TSPAN9: variants seen among roughly 807,000 people sequenced by gnomAD.
TSPAN9 encodes tetraspanin 9.
Under a neutral mutation model 31.0 loss-of-function variants are expected in TSPAN9, and 16 were observed. The observed-to-expected ratio is 0.52, with a 90% CI of 0.35 to 0.78. TSPAN9 has a LOEUF of 0.78. TSPAN9 is among the 30% of genes least tolerant of loss of function. The pLI, the probability that TSPAN9 is intolerant of heterozygous loss-of-function variation, is 0.01. For missense variants in TSPAN9, 272 were observed against 312.5 expected, an observed-to-expected ratio of 0.87 and a Z score of 0.98; for synonymous variants, 145 against 121.6, an observed-to-expected ratio of 1.19 and a Z score of -1.27.
chr12:3,219,887 G>A (rs2098383431), intron 3 of TSPAN9, among the ~76,000 whole-genome samples: 1 of 150,478 alleles, frequency 6.6e-6, no homozygotes, highest in Non-Finnish European at 1.5e-5. Flanking sequence ...GGGTGCTGTG[G>A]CCCACGCCGG....
At chr12:3,135,672 TC>T (rs1173135658) in intron 2 of TSPAN9, among the ~76,000 whole-genome samples, 1 of 151,976 alleles carries the variant, frequency 6.6e-6, no homozygotes, top group African/African-American at 2.4e-5. Flanking sequence ...TATCAATTTC[TC>T]CCCCAGGTCC....
chr12:3,275,433 C>T (rs1043790681), intron 3 of TSPAN9, among the ~76,000 whole-genome samples: 9 of 152,156 alleles, frequency 5.9e-5, no homozygotes, highest in African/African-American at 1.9e-4. Flanking sequence ...TTACTCATTC[C>T]AGGGTCTGGC....
chr12:3,179,954 C>G (rs557166303), intron 2 of TSPAN9, among the ~76,000 whole-genome samples: 1 of 152,310 alleles, frequency 6.6e-6, no homozygotes, highest in African/African-American at 2.4e-5. Context: ...TTTCCTGCAG[C>G]TGGTAAAGCT....
intron 2 of TSPAN9, among the ~76,000 whole-genome samples, chr12:3,194,996 T>C (rs1023454950): frequency 6.6e-6 from 1 of 152,154 alleles, no homozygotes; most frequent in South Asian, 2.1e-4. Context: ...GTTTAAAAAT[T>C]GGGGGGAGGT....
chr12:3,161,213 C>A (rs945221783), intron 2 of TSPAN9, among the ~76,000 whole-genome samples: 4 of 144,306 alleles, frequency 2.8e-5, no homozygotes, highest in Non-Finnish European at 6.2e-5. Flanking sequence ...AAGAGTGAAA[C>A]TCGGTCTCAA....
intron 2 of TSPAN9, among the ~76,000 whole-genome samples, chr12:3,109,307 A>AGTGTGTGT (rs1555141854): frequency 7.0e-6 from 1 of 143,208 alleles, no homozygotes; most frequent in African/African-American, 2.8e-5. Context: ...TGTGAGAGAG[A>AGTGTGTGT]GTGTGTGTGT....
At chr12:3,144,350 C>T (rs1394855717) in intron 2 of TSPAN9, among the ~76,000 whole-genome samples, 1 of 152,188 alleles carries the variant, frequency 6.6e-6, no homozygotes, top group Non-Finnish European at 1.5e-5. Flanking sequence ...ATCTGTCTAC[C>T]TTGGCCTCCC....
chr12:3,149,179 T>C (rs1026887474), intron 2 of TSPAN9, among the ~76,000 whole-genome samples: 1 of 152,232 alleles, frequency 6.6e-6, no homozygotes, highest in Non-Finnish European at 1.5e-5. Context: ...AATGAATAAA[T>C]GAAGGGCTCC....
intron 3 of TSPAN9, among the ~76,000 whole-genome samples, chr12:3,244,067 G>C (rs601603): frequency 0.82 from 125,028 of 152,232 alleles, 52,492 homozygotes; most frequent in Non-Finnish European, 0.92. Context: ...TAAGCTTTAG[G>C]AGCAGGGCCT....
rs1350079427 is a variant in TSPAN9 at position 3,143,017 on chromosome 12, G to A, written c.-17-58160G>A. Reference sequence around the variant, plus strand: ...GTGCTGCTCGGTCACTCTGCAGGACGGTTTTTCACTCTGGCTCTGTCTGGC... The same window carrying A: ...GTGCTGCTCGGTCACTCTGCAGGACAGTTTTTCACTCTGGCTCTGTCTGGC... On this transcript the variant is annotated intron_variant, in intron 2 of 8. Transcript: ENST00000011898. This position sits in a 1 kb window ranked among gnomAD's most constrained non-coding sequence, Gnocchi z 4.2. 2.0e-5 allele frequency among the ~76,000 whole-genome samples: 3 copies of A among 151,974 alleles called. No homozygotes were observed. The highest frequency in any genetic ancestry group is 1.5e-5 in the Non-Finnish European group (1 of 68,000).
intron 3 of TSPAN9, among the ~76,000 whole-genome samples, chr12:3,212,729 A>G (rs1318517588): frequency 1.3e-5 from 2 of 150,536 alleles, no homozygotes; most frequent in African/African-American, 4.8e-5. Context: ...GGTGCAGGTC[A>G]GGGGTGAGCA....
In TSPAN9 at chr12:3,221,645, C is replaced by A. The variant is rs955438426; in HGVS notation, c.63+20389C>A. On this transcript the variant is annotated intron_variant, in intron 3 of 8. Coordinates refer to ENST00000011898, the MANE Select transcript of TSPAN9 (RefSeq NM_006675.5). ...AAGTGCTGGGATTATAGGCGTGAGCCACCGTGCTCAGCCTAACAAATTTTT... is the reference window on the plus strand; with the variant it reads ...AAGTGCTGGGATTATAGGCGTGAGCAACCGTGCTCAGCCTAACAAATTTTT... Among the ~76,000 whole-genome samples, 3 of 152,142 alleles carry A rather than the reference C, an allele frequency of 2.0e-5. No individual in the cohort carries two copies. In the South Asian group the frequency reaches 6.2e-4, roughly 32 times the overall value.
Position 3,273,512 on chromosome 12 carries a change from C to T in TSPAN9, c.64-4909C>T, listed in dbSNP as rs576372082. ...CCTGCCTCACCCCAGATTGTCCCAT[C>T]GTGGGCTAGATTATAGCTCAGTCAT... On this transcript the variant is annotated intron_variant, in intron 3 of 8. Coordinates refer to ENST00000011898, the MANE Select transcript of TSPAN9 (RefSeq NM_006675.5). Among the ~76,000 whole-genome samples the T allele has an allele frequency of 9.8e-5, 15 of 152,296 alleles. No homozygotes were observed. The East Asian group carries it at 1.5e-3, about 16-fold the overall frequency.
chr12:3,079,124 C>T lies in TSPAN9; in HGVS notation c.-85+1671C>T, dbSNP rs758868058. On this transcript the variant is annotated intron_variant, in intron 1 of 8. Coordinates refer to ENST00000011898, the MANE Select transcript of TSPAN9 (RefSeq NM_006675.5). ...CCTCCCGAGTAGCTGGGATTACAGG[C>T]GCGTGCCGCCACGCCTTCTAATTTT... 4.5e-4 allele frequency among the ~76,000 whole-genome samples: 69 copies of T among 152,012 alleles called. 1 individual carries two copies. The Middle Eastern group carries it at 0.01, about 22-fold the overall frequency.
At chr12:3,231,467 C>T (rs374581008) in intron 3 of TSPAN9, among the ~76,000 whole-genome samples, 8 of 152,320 alleles carry the variant, frequency 5.3e-5, no homozygotes, top group East Asian at 1.9e-4. Flanking sequence ...GCATCAGCCC[C>T]GCGTCACTAC....
chr12:3,139,340 C>T (rs2098333651), intron 2 of TSPAN9, among the ~76,000 whole-genome samples: 1 of 152,162 alleles, frequency 6.6e-6, no homozygotes. Context: ...TAGATTTCCC[C>T]CTTTTCTGTT....
chr12:3,077,502 C>T, intron 1 of TSPAN9, 49 bp downstream of exon 1: 1 of 152,540 alleles, frequency 6.6e-6, no homozygotes, highest in Non-Finnish European at 1.5e-5. Context: ...CGAGAGCGTG[C>T]GGAGTCGCGC....
chr12:3,235,454 T>C (rs985680839), intron 3 of TSPAN9, among the ~76,000 whole-genome samples: 13 of 151,142 alleles, frequency 8.6e-5, no homozygotes, highest in Middle Eastern at 3.2e-3. Context: ...TCAGCTTCCT[T>C]ATCTGTAAAA....
intron 7 of TSPAN9, 24 bp from the exon 8 acceptor site, chr12:3,281,710 A>G (rs1201272034): frequency 1.6e-5 from 26 of 1,606,142 alleles, no homozygotes; most frequent in Non-Finnish European, 2.0e-5. Flanking sequence ...CTGGGACCCT[A>G]ACCTCGTGGG....
Sources: allele counts gnomAD v4.1 joint callset (sites outside exome capture counted in the v4.1 genomes callset), GRCh38; gene constraint gnomAD v4.1.1; non-coding constraint Gnocchi (gnomAD v3.1); transcripts MANE v1.5; gene names NCBI Gene and HGNC (gene_info 2026-07-23, HGNC 2026-07-21).